Variants in CRYM observed in about 807,000 individuals in gnomAD.
CRYM encodes crystallin mu, also known as ketimine reductase mu-crystallin.
CRYM carries 18 observed loss-of-function variants against 32.9 expected under a neutral mutation model. The observed-to-expected ratio is 0.55, with a 90% CI of 0.38 to 0.81. CRYM has a LOEUF of 0.81. Among genes scored for constraint, CRYM ranks in the 30% least tolerant of loss-of-function variants. The pLI is 0.00. For missense variants in CRYM, 337 were observed against 393.5 expected, an observed-to-expected ratio of 0.86 and a Z score of 1.21; for synonymous variants, 153 against 152.4, an observed-to-expected ratio of 1.00 and a Z score of -0.03.
chr16:21,283,594 A>C (rs1413051463), intron 1 of CRYM: 1 of 149,668 alleles, frequency 6.7e-6, no homozygotes. Context: ...GCGGTGGGCC[A>C]GGACAAGCAA....
In CRYM at chr16:21,277,444, C is replaced by A; in HGVS notation, c.311G>T (p.Gly104Val). Residue 104 changes from glycine to valine, a missense_variant, in exon 2 of 8, where the codon GGC (glycine) becomes GTC (valine). Coordinates refer to ENST00000572914, the MANE Select transcript of CRYM (RefSeq NM_001376256.1). This position sits in a 1 kb window ranked among gnomAD's most constrained non-coding sequence, Gnocchi z 4.2. Reference sequence around the variant, plus strand: ...GAAGTTGCTCACCGCCAGCAGGGTGCCATTGCTGGGCTCAAAGAGTAGCAC... The same window carrying A: ...GAAGTTGCTCACCGCCAGCAGGGTGACATTGCTGGGCTCAAAGAGTAGCAC... ...ATVLLFEPSN[G>V]TLLAVMDGNV... The A allele has an allele frequency of 6.2e-7, 1 of 1,613,342 alleles. No individual in the cohort carries two copies.
intron 5 of CRYM, among the ~76,000 whole-genome samples, chr16:21,264,286 C>T (rs894783474): frequency 6.6e-6 from 1 of 152,194 alleles, no homozygotes; most frequent in South Asian, 2.1e-4. Flanking sequence ...ACAAAACCCC[C>T]GTTTCTCAGG....
At chr16:21,275,349 C>A (rs1288841788) in intron 3 of CRYM, among the ~76,000 whole-genome samples, 183 bp downstream of exon 3, 1 of 152,190 alleles carries the variant, frequency 6.6e-6, no homozygotes, top group East Asian at 1.9e-4. Flanking sequence ...GAAATCTGGT[C>A]ATGCACACTA....
chr16:21,268,269 T>G (rs758696168), intron 4 of CRYM, among the ~76,000 whole-genome samples: 1 of 152,228 alleles, frequency 6.6e-6, no homozygotes, highest in Non-Finnish European at 1.5e-5. Flanking sequence ...TTTATGATAA[T>G]GTTTTTCATG....
chr16:21,295,094 G>A (rs868632557), intron 1 of CRYM, among the ~76,000 whole-genome samples: 7 of 152,066 alleles, frequency 4.6e-5, no homozygotes, highest in South Asian at 2.1e-4. Context: ...TTGGTTCCAC[G>A]TCTTTGCTAT....
intron 1 of CRYM, chr16:21,300,264 T>TA (rs1339272635): frequency 5.3e-5 from 8 of 152,186 alleles, no homozygotes; most frequent in Admixed American, 3.9e-4. Flanking sequence ...TCCTCCAACA[T>TA]ACACTTGATA....
rs376592778 is a variant in CRYM, at chr16:21,269,890, A to T, written c.389T>A (p.Phe130Tyr). ...TAAVSAIATK[F>Y]LKPPSSEVLC... ...CACTTCACTGCTGGGAGGTTTCAGA[A>T]ACTATATGAGAGAAATGAAGTGGCA... The change falls in exon 4 of 8, where the codon TTT (phenylalanine) becomes TAT (tyrosine). Residue 130 changes from phenylalanine (F) to tyrosine (Y), a missense_variant and splice_region_variant. Transcript: ENST00000572914. 39 of 1,611,734 alleles carry T rather than the reference A, an allele frequency of 2.4e-5. No homozygotes were observed. Among genetic ancestry groups the T allele is most frequent in the Non-Finnish European group, 3.3e-5 (39 of 1,177,884 alleles).
intron 7 of CRYM, 54 bp from the exon 8 acceptor site, chr16:21,258,899 C>T (rs947120311): frequency 6.8e-7 from 1 of 1,480,936 alleles, no homozygotes; most frequent in African/African-American, 1.4e-5. Flanking sequence ...TTTCTTGAAA[C>T]AACCCAGGCC....
intron 1 of CRYM, among the ~76,000 whole-genome samples, chr16:21,301,930 G>C (rs1960952823): frequency 6.6e-6 from 1 of 152,184 alleles, no homozygotes; most frequent in African/African-American, 2.4e-5. Flanking sequence ...TTCTGCCGGC[G>C]TCCCCCTGCG....
rs866127256 is a variant in CRYM at position 21,265,768 on chromosome 16, T to G, written c.673+1786A>C. Among the ~76,000 whole-genome samples the G allele has an allele frequency of 7.2e-5, 11 of 152,390 alleles. No homozygotes were observed. The Middle Eastern group carries it at 0.014, about 188-fold the overall frequency. On this transcript the variant is annotated intron_variant, in intron 5 of 7. Transcript: ENST00000572914. Reference sequence around the variant, plus strand: ...TGAGTTCACACCATGTGCTTGTCACTAAAACACAGGGCACCAAGACCATCT... The same window carrying G: ...TGAGTTCACACCATGTGCTTGTCACGAAAACACAGGGCACCAAGACCATCT...
At chr16:21,268,001 C>T (rs908878054) in intron 4 of CRYM, among the ~76,000 whole-genome samples, 1 of 152,180 alleles carries the variant, frequency 6.6e-6, no homozygotes, top group Non-Finnish European at 1.5e-5. Flanking sequence ...CACTTCTAGG[C>T]CAAGAGGCAC....
chr16:21,267,747 G>A lies in CRYM; in HGVS notation c.490-10C>T. 6.2e-7 allele frequency: 1 copy of A among 1,614,108 alleles called. No homozygotes were observed. The highest frequency in any genetic ancestry group is 8.5e-7 in the Non-Finnish European group (1 of 1,179,980). On this transcript the variant is annotated splice_polypyrimidine_tract_variant and intron_variant, in intron 4 of 7. Coordinates refer to ENST00000572914, the MANE Select transcript of CRYM (RefSeq NM_001376256.1). ...GGTTCCATATCCTCACCTTCATTGG[G>A]AGTAACAAGAAGGATATTGGCGCCA...
chr16:21,283,530 CGT>C (rs1485054897), intron 1 of CRYM: 2 of 151,824 alleles, frequency 1.3e-5, no homozygotes, highest in African/African-American at 2.4e-5. Flanking sequence ...AGCCAAGGCG[CGT>C]GTCTCATTCC....
chr16:21,299,733 G>A (rs1451678773), intron 1 of CRYM, among the ~76,000 whole-genome samples: 3 of 152,152 alleles, frequency 2.0e-5, no homozygotes, highest in African/African-American at 2.4e-5. Flanking sequence ...TAAATCTGCC[G>A]AAACCATTAA....
chr16:21,270,772 T>C (rs1004426780), intron 3 of CRYM, among the ~76,000 whole-genome samples: 1 of 152,208 alleles, frequency 6.6e-6, no homozygotes, highest in Non-Finnish European at 1.5e-5. Flanking sequence ...CTATATTCAC[T>C]GGGCCAACTC....
chr16:21,264,858 C>T (rs906852662), intron 5 of CRYM, among the ~76,000 whole-genome samples: 1 of 152,146 alleles, frequency 6.6e-6, no homozygotes, highest in African/African-American at 2.4e-5. Context: ...AAGGGGCTCC[C>T]CCCATCCTCC....
At chr16:21,301,507 GGAA>G (rs1351118779) in intron 1 of CRYM, among the ~76,000 whole-genome samples, 2 of 152,298 alleles carry the variant, frequency 1.3e-5, no homozygotes, top group East Asian at 3.9e-4. Flanking sequence ...GAGGAAGCAG[GGAA>G]GAAGTAACGT....
intron 1 of CRYM, among the ~76,000 whole-genome samples, chr16:21,288,130 G>A (rs1056222397): frequency 6.6e-6 from 1 of 152,190 alleles, no homozygotes. Context: ...CCCAGTTGGG[G>A]TGTCAGAGAA....
At chr16:21,290,631 T>C (rs906895855) in intron 1 of CRYM, among the ~76,000 whole-genome samples, 3 of 152,210 alleles carry the variant, frequency 2.0e-5, no homozygotes, top group Non-Finnish European at 4.4e-5. Context: ...TTCCAGTAAT[T>C]TGAACTCAGT....
Sources: gnomAD v4.1 joint callset for allele counts (sites outside exome capture counted in the v4.1 genomes callset) on GRCh38, gnomAD v4.1.1 for gene constraint, Gnocchi (gnomAD v3.1) non-coding constraint, MANE v1.5 for transcripts, NCBI Gene and HGNC (gene_info 2026-07-23, HGNC 2026-07-21) for gene names.